Variants in EYA2 observed in about 807,000 individuals in gnomAD.
EYA2 encodes the protein protein phosphatase EYA2.
EYA2 carries 31 observed loss-of-function variants against 69.2 expected under a neutral mutation model. The ratio of observed to expected loss-of-function variants is 0.45; its 90% CI spans 0.34 to 0.60. The LOEUF (loss-of-function observed/expected upper bound fraction) is 0.60. Among genes scored for constraint, EYA2 ranks in the 20% least tolerant of loss-of-function variants. The pLI, the probability that EYA2 is intolerant of heterozygous loss-of-function variation, is 0.02. For synonymous variants in EYA2, 257 were observed against 279.4 expected (o/e 0.92, Z 0.80); for missense variants, 622 against 701.2 (o/e 0.89, Z 1.28).
chr20:46,945,119 A>G (rs1266546202), intron 1 of EYA2, among the ~76,000 whole-genome samples: 1 of 151,700 alleles, frequency 6.6e-6, no homozygotes, highest in Non-Finnish European at 1.5e-5. Flanking sequence ...TTGTCTGGAA[A>G]AAAAAAAAAG....
chr20:47,102,362 G>A (rs2032447903), intron 9 of EYA2, among the ~76,000 whole-genome samples: 1 of 152,200 alleles, frequency 6.6e-6, no homozygotes, highest in Admixed American at 6.5e-5. Flanking sequence ...GAGAGAGGGA[G>A]GATGGTCCCC....
At chr20:47,031,284 AAGGGGAG>A (rs991702841) in intron 5 of EYA2, among the ~76,000 whole-genome samples, 1 of 152,182 alleles carries the variant, frequency 6.6e-6, no homozygotes, top group African/African-American at 2.4e-5. Context: ...CTGAGGAGCC[AAGGGGAG>A]AGGGGTGGGG....
intron 1 of EYA2, among the ~76,000 whole-genome samples, chr20:46,980,533 C>T (rs926796244): frequency 3.9e-5 from 6 of 152,110 alleles, no homozygotes; most frequent in South Asian, 2.1e-4. Flanking sequence ...CTGTTTGATA[C>T]GTTCATATAA....
intron 9 of EYA2, among the ~76,000 whole-genome samples, chr20:47,128,294 C>G (rs1039865081): frequency 3.3e-5 from 5 of 152,160 alleles, no homozygotes; most frequent in African/African-American, 9.7e-5. Context: ...ACATACTCCA[C>G]AGCAATAAGG....
chr20:47,091,680 G>T (rs987316180), intron 8 of EYA2, among the ~76,000 whole-genome samples: 1 of 151,878 alleles, frequency 6.6e-6, no homozygotes. Flanking sequence ...AGGAGGTAGA[G>T]GCTGCGTTGA....
intron 10 of EYA2, among the ~76,000 whole-genome samples, chr20:47,156,132 AT>A (rs2033939667): frequency 2.3e-4 from 1 of 4,414 alleles, no homozygotes; most frequent in East Asian, 7.1e-3. Context: ...ACACACATAT[AT>A]ATATATATAT....
At position 46,959,347 on chromosome 20, in the gene EYA2, G is replaced by A. The variant is rs1321893529; in HGVS notation, c.-10-30654G>A. Among the ~76,000 whole-genome samples, 5 of 152,302 alleles carry A rather than the reference G, an allele frequency of 3.3e-5. No individual in the cohort carries two copies. In the South Asian group the frequency reaches 8.3e-4, roughly 25 times the overall value. On this transcript the variant is annotated intron_variant, in intron 1 of 15. Coordinates refer to ENST00000327619, the MANE Select transcript of EYA2 (RefSeq NM_005244.5). Reference sequence around the variant, plus strand: ...GGACTGGACCATTCCTTTGTTGGGGGTGGGGGCTGATGCTGTGCATTGTAG... The same window carrying A: ...GGACTGGACCATTCCTTTGTTGGGGATGGGGGCTGATGCTGTGCATTGTAG...
chr20:47,137,046 A>G (rs1384539254), intron 9 of EYA2, among the ~76,000 whole-genome samples: 1 of 151,612 alleles, frequency 6.6e-6, no homozygotes, highest in Non-Finnish European at 1.5e-5. Context: ...CCCACCCCTT[A>G]GCCCCCAGCA....
intron 7 of EYA2, among the ~76,000 whole-genome samples, chr20:47,088,092 G>A (rs1423028466): frequency 2.6e-5 from 4 of 152,120 alleles, no homozygotes; most frequent in Admixed American, 6.5e-5. Flanking sequence ...AAAATTAGCC[G>A]GGCATGGTGG....
chr20:47,142,426 T>C (rs2033615906), intron 9 of EYA2, among the ~76,000 whole-genome samples: 1 of 152,268 alleles, frequency 6.6e-6, no homozygotes, highest in African/African-American at 2.4e-5. Flanking sequence ...ACTGTATCTC[T>C]TGATGACAGT....
chr20:47,001,000 C>T (rs1413466459), intron 2 of EYA2, among the ~76,000 whole-genome samples: 1 of 152,082 alleles, frequency 6.6e-6, no homozygotes, highest in Non-Finnish European at 1.5e-5. Flanking sequence ...GCTTTTGAGG[C>T]AGGGAAGGGA....
intron 5 of EYA2, among the ~76,000 whole-genome samples, chr20:47,063,468 A>T (rs1266426725): frequency 6.6e-6 from 1 of 150,962 alleles, no homozygotes; most frequent in Non-Finnish European, 1.5e-5. Context: ...GTCTGGAGGC[A>T]GAGAACCTAA....
In EYA2 at chr20:46,959,661, C is replaced by T. The variant is rs147951749; in HGVS notation, c.-10-30340C>T. ...ACACATGCACGCACACGCACGCACA[C>T]GCACGCACGTACTTTCCTTCAATTG... is the stretch of plus-strand genomic sequence containing the variant. On this transcript the variant is annotated intron_variant, in intron 1 of 15. Coordinates refer to ENST00000327619, the MANE Select transcript of EYA2 (RefSeq NM_005244.5). Among the ~76,000 whole-genome samples, 32 of 138,082 alleles carry T rather than the reference C, an allele frequency of 2.3e-4. 2 individuals carry two copies. Among genetic ancestry groups the T allele is most frequent in the Admixed American group, 1.2e-3 (16 of 12,974 alleles). The allele number at this position is 138,082 out of a possible 152,430, so 90.6% of individuals were successfully genotyped here.
intron 12 of EYA2, 51 bp from the exon 13 acceptor site, chr20:47,179,747 C>T (rs1257706256): frequency 7.5e-7 from 1 of 1,335,656 alleles, no homozygotes; most frequent in Admixed American, 1.8e-5. Context: ...TACCTTCATC[C>T]CCCAGATCTT....
At chr20:47,117,763 G>A in intron 9 of EYA2, 1 of 881,778 alleles carries the variant, frequency 1.1e-6, no homozygotes, top group Non-Finnish European at 1.4e-6. Flanking sequence ...TTAATTCAGA[G>A]GACCACAGAT....
chr20:47,083,036 A>C (rs1451002299), intron 7 of EYA2, among the ~76,000 whole-genome samples: 2 of 152,108 alleles, frequency 1.3e-5, no homozygotes, highest in Non-Finnish European at 1.5e-5. Flanking sequence ...TCTGCAAAAA[A>C]ATAAAAATAA....
rs2034667476 is a variant in EYA2, at chr20:47,187,391, A to G, written c.1537-662A>G. ...AAAAAAAAAACTCCACATCATGACA[A>G]TAACTTGAAGCAGGTACCACCTGCT... On this transcript the variant is annotated intron_variant, in intron 15 of 15. Transcript: ENST00000327619. 3.9e-5 allele frequency among the ~76,000 whole-genome samples: 6 copies of G among 152,140 alleles called. No individual in the cohort carries two copies. In the South Asian group the frequency reaches 1.0e-3, roughly 26 times the overall value.
rs1568750456 is a variant in EYA2, at chr20:47,057,145, GGA to G, written c.416-15039_416-15038del. On this transcript the variant is annotated intron_variant, in intron 5 of 15. Coordinates refer to ENST00000327619, the MANE Select transcript of EYA2 (RefSeq NM_005244.5). ...GAAGAAGACAGGAAGGAGGGAGGAA[GGA>G]AGGAAGGAAGGAAGGAAGGAAGGAA... 4.1e-3 allele frequency among the ~76,000 whole-genome samples: 453 copies of G among 111,738 alleles called. 1 individual carries two copies. The highest frequency in any genetic ancestry group is 0.013 in the African/African-American group (389 of 29,782). The allele number at this position is 111,738 out of a possible 152,430, so 73.3% of individuals were successfully genotyped here. A position where few individuals can be genotyped will look rare whatever the true frequency, so the allele number is the denominator to read the frequency against.
At chr20:46,979,704 T>G (rs957715724) in intron 1 of EYA2, 7 of 152,164 alleles carry the variant, frequency 4.6e-5, no homozygotes, top group African/African-American at 1.7e-4. Flanking sequence ...AGAGCTCAAC[T>G]CTGCCCCTCA....
Sources: gnomAD v4.1 joint callset for allele counts (sites outside exome capture counted in the v4.1 genomes callset) on GRCh38, gnomAD v4.1.1 for gene constraint, MANE v1.5 for transcripts, NCBI Gene and HGNC (gene_info 2026-07-23, HGNC 2026-07-21) for gene names.